ENPP6: variants seen among roughly 807,000 people sequenced by gnomAD.
ENPP6 encodes ectonucleotide pyrophosphatase/phosphodiesterase 6, also known as glycerophosphocholine cholinephosphodiesterase ENPP6.
In ENPP6, 32 loss-of-function variants were observed where a neutral mutation model predicts 42.0. The ratio of observed to expected loss-of-function variants is 0.76; its 90% CI spans 0.58 to 1.02. The LOEUF (loss-of-function observed/expected upper bound fraction) is 1.02, where lower values mean the gene tolerates loss of function less well. Ranked by LOEUF, ENPP6 falls within the 50% of genes least tolerant of loss-of-function variation. The pLI is 0.00. For missense variants in ENPP6, 552 were observed against 566.8 expected, an observed-to-expected ratio of 0.97 and a Z score of 0.27; for synonymous variants, 213 against 216.0, an observed-to-expected ratio of 0.99 and a Z score of 0.12.
At chr4:184,166,842 C>T (rs1737357392) in intron 1 of ENPP6, among the ~76,000 whole-genome samples, 1 of 152,356 alleles carries the variant, frequency 6.6e-6, no homozygotes, top group East Asian at 1.9e-4. Flanking sequence ...TTTTCCCACC[C>T]ACTGTGCTCC....
intron 2 of ENPP6, among the ~76,000 whole-genome samples, chr4:184,131,181 C>CTT (rs753717652): frequency 1.3e-4 from 8 of 60,468 alleles, no homozygotes; most frequent in African/African-American, 6.1e-4. Context: ...TTCTTTCTTT[C>CTT]TTTCTTTCTT....
At chr4:184,121,047 G>A (rs568735576) in intron 3 of ENPP6, among the ~76,000 whole-genome samples, 5 of 152,324 alleles carry the variant, frequency 3.3e-5, no homozygotes, top group African/African-American at 9.6e-5. Context: ...CCTTCAGAGA[G>A]CCAGTGGCCT....
chr4:184,144,544 C>T (rs564281278), intron 2 of ENPP6, among the ~76,000 whole-genome samples: 2 of 152,330 alleles, frequency 1.3e-5, no homozygotes, highest in African/African-American at 4.8e-5. Flanking sequence ...GGAGAGACCC[C>T]TCTTTCTGCA....
At chr4:184,204,839 CCTT>C (rs1480814822) in intron 1 of ENPP6, among the ~76,000 whole-genome samples, 4 of 152,166 alleles carry the variant, frequency 2.6e-5, no homozygotes, top group African/African-American at 4.8e-5. Context: ...TTTTTCTCCT[CCTT>C]ATTAGTTTAG....
At chr4:184,193,003 G>A (rs1732730168) in intron 1 of ENPP6, among the ~76,000 whole-genome samples, 1 of 152,214 alleles carries the variant, frequency 6.6e-6, no homozygotes, top group Admixed American at 6.5e-5. Flanking sequence ...TGGTGAGGTT[G>A]TGGAGATGTC....
chr4:184,131,189 CTT>C (rs1214487960), intron 2 of ENPP6, among the ~76,000 whole-genome samples: 2 of 66,580 alleles, frequency 3.0e-5, no homozygotes, highest in African/African-American at 6.7e-5. Flanking sequence ...TTCTTTCTTT[CTT>C]TCTTTCTTTC....
chr4:184,097,776 G>C (rs1735937149), intron 6 of ENPP6, among the ~76,000 whole-genome samples: 1 of 152,120 alleles, frequency 6.6e-6, no homozygotes, highest in Non-Finnish European at 1.5e-5. Flanking sequence ...AATGTCTTTC[G>C]CTTTTCATTC....
At chr4:184,107,018 C>G (rs981110325) in intron 6 of ENPP6, among the ~76,000 whole-genome samples, 1 of 152,186 alleles carries the variant, frequency 6.6e-6, no homozygotes, top group African/African-American at 2.4e-5. Flanking sequence ...CATCGCCGAG[C>G]CTGCCTCCTC....
At chr4:184,171,494 A>T (rs377548568) in intron 1 of ENPP6, among the ~76,000 whole-genome samples, 2 of 152,260 alleles carry the variant, frequency 1.3e-5, no homozygotes, top group Non-Finnish European at 2.9e-5. Context: ...CAATGTCACA[A>T]TATAAGAAGA....
intron 5 of ENPP6, among the ~76,000 whole-genome samples, chr4:184,115,758 C>G (rs903795013): frequency 6.6e-6 from 1 of 152,152 alleles, no homozygotes; most frequent in Non-Finnish European, 1.5e-5. Context: ...ACATAAGGAG[C>G]TGGGCACTGC....
intron 3 of ENPP6, among the ~76,000 whole-genome samples, chr4:184,120,050 T>C (rs954284197): frequency 1.3e-5 from 2 of 152,174 alleles, no homozygotes; most frequent in Admixed American, 6.5e-5. Flanking sequence ...CTGATGTGTA[T>C]AAAGCACTTG....
At position 184,124,618 on chromosome 4, in the gene ENPP6, T is replaced by G. The variant is rs1736472602; in HGVS notation, c.422-346A>C. Among the ~76,000 whole-genome samples the G allele has an allele frequency of 1.3e-5, 2 of 152,216 alleles. 1 individual carries two copies. The highest frequency in any genetic ancestry group is 4.1e-4 in the South Asian group (2 of 4,824). ...TTCTTCAATAGATTTTTCATGAATC[T>G]AAGTCTTTCATGAAAACAAAGTCTT... On this transcript the variant is annotated intron_variant, in intron 2 of 7. Transcript: ENST00000296741.
chr4:184,151,039 C>A (rs543132624), intron 2 of ENPP6, among the ~76,000 whole-genome samples: 1 of 152,202 alleles, frequency 6.6e-6, no homozygotes, highest in Admixed American at 6.5e-5. Flanking sequence ...AATTTGTATT[C>A]TCCAAGAGGA....
At chr4:184,137,333 G>A (rs1401010559) in intron 2 of ENPP6, among the ~76,000 whole-genome samples, 1 of 152,218 alleles carries the variant, frequency 6.6e-6, no homozygotes, top group African/African-American at 2.4e-5. Context: ...CTTACCTCAA[G>A]CAATCCACCT....
chr4:184,100,762 G>C (rs1382625244), intron 6 of ENPP6, among the ~76,000 whole-genome samples: 1 of 152,190 alleles, frequency 6.6e-6, no homozygotes, highest in African/African-American at 2.4e-5. Context: ...AGTCCCAGGC[G>C]ATGGTGGAAC....
chr4:184,097,946 T>C (rs1735939062), intron 6 of ENPP6, among the ~76,000 whole-genome samples: 1 of 152,116 alleles, frequency 6.6e-6, no homozygotes, highest in Non-Finnish European at 1.5e-5. Flanking sequence ...GACCCATGAT[T>C]TCCTCACTCA....
intron 6 of ENPP6, among the ~76,000 whole-genome samples, chr4:184,105,399 T>C (rs1187527142): frequency 1.3e-5 from 2 of 152,312 alleles, no homozygotes; most frequent in East Asian, 3.9e-4. Context: ...GGTGAGTCTG[T>C]AACTGGGAAA....
chr4:184,128,513 T>C (rs1414957366), intron 2 of ENPP6, among the ~76,000 whole-genome samples: 1 of 151,770 alleles, frequency 6.6e-6, no homozygotes, highest in Non-Finnish European at 1.5e-5. Flanking sequence ...GTCAAGATGA[T>C]GTAAGAAATA....
intron 2 of ENPP6, among the ~76,000 whole-genome samples, chr4:184,135,645 T>C (rs1177124815): frequency 1.3e-5 from 2 of 151,952 alleles, no homozygotes; most frequent in Non-Finnish European, 2.9e-5. Context: ...TAGTCATTTT[T>C]AAAGTAAATT....
Sources: allele counts gnomAD v4.1 joint callset (sites outside exome capture counted in the v4.1 genomes callset), GRCh38; gene constraint gnomAD v4.1.1; transcripts MANE v1.5; gene names NCBI Gene and HGNC (gene_info 2026-07-23, HGNC 2026-07-21).